The following SLFN14 variants were observed in gnomAD, a reference collection of about 807,000 sequenced individuals.
SLFN14 encodes the protein protein SLFN14.
A neutral mutation model predicts 58.6 loss-of-function variants in SLFN14; 47 were observed. The ratio of observed to expected loss-of-function variants is 0.80; its 90% CI spans 0.64 to 1.02. SLFN14 has a LOEUF of 1.02. Among genes scored for constraint, SLFN14 ranks in the 50% least tolerant of loss-of-function variants. The pLI, the probability that SLFN14 is intolerant of heterozygous loss-of-function variation, is 0.00. For missense variants in SLFN14, 967 were observed against 1,078.4 expected (o/e 0.90, Z 1.45); for synonymous variants, 390 against 387.3 (o/e 1.01, Z -0.08).
chr17:35,558,040 G>A lies in SLFN14; in HGVS notation c.23C>T (p.Thr8Ile), dbSNP rs1274661246. The A allele has an allele frequency of 2.6e-6, 4 of 1,551,218 alleles. No individual in the cohort carries two copies. The highest frequency in any genetic ancestry group is 3.5e-6 in the Non-Finnish European group (4 of 1,146,984). The change falls in exon 3 of 6, where the codon ACT (threonine) becomes ATT (isoleucine). Residue 8 changes from threonine to isoleucine, a missense_variant. Coordinates refer to ENST00000674182, the MANE Select transcript of SLFN14 (RefSeq NM_001129820.2). MESLKTD[T>I]EMPYPEVIVD... Reference sequence around the variant, plus strand: ...TATTACCTCAGGATACGGCATTTCAGTATCAGTCTTGAGACTCTCCATTTC... The same window carrying A: ...TATTACCTCAGGATACGGCATTTCAATATCAGTCTTGAGACTCTCCATTTC...
At position 35,557,549 on chromosome 17, in the gene SLFN14, C is replaced by T. The variant is rs1207123733; in HGVS notation, c.514G>A (p.Val172Ile). The T allele has an allele frequency of 2.6e-6, 4 of 1,551,532 alleles. No individual in the cohort carries two copies. Among genetic ancestry groups the T allele is most frequent in the Non-Finnish European group, 3.5e-6 (4 of 1,147,006 alleles). ...PRVKKLHPQQ[V>I]LNRCIQEEED... ...TCTTCCTGAATGCATCTATTGAGAA[C>T]CTGCTGAGGATGCAACTTCTTCACC... The change falls in exon 3 of 6, where the codon GTT becomes ATT. Residue 172 changes from valine to isoleucine, a missense_variant. Coordinates refer to ENST00000674182, the MANE Select transcript of SLFN14 (RefSeq NM_001129820.2).
chr17:35,545,563 T>C lies in SLFN14; in HGVS notation c.*2676A>G, dbSNP rs548465437. On this transcript the variant is annotated 3_prime_UTR_variant, in exon 6 of 6. Transcript: ENST00000674182. ...AGGCTGGAGTGCAGTGGAGTAATCA[T>C]AGGTCACTGTAGCCTCAAACTCCTG... is the stretch of plus-strand genomic sequence containing the variant. Among the ~76,000 whole-genome samples, 4 of 152,236 alleles carry C rather than the reference T, an allele frequency of 2.6e-5. No homozygotes were observed. The highest frequency in any genetic ancestry group is 9.6e-5 in the African/African-American group (4 of 41,534).
intron 5 of SLFN14, among the ~76,000 whole-genome samples, chr17:35,551,102 T>C (rs1053273956): frequency 6.6e-6 from 1 of 152,252 alleles, no homozygotes; most frequent in African/African-American, 2.4e-5. Flanking sequence ...TATAATGAGA[T>C]GTTTAAGGTT....
Position 35,557,229 on chromosome 17 carries a change from C to A in SLFN14, c.834G>T (p.Leu278Phe), listed in dbSNP as rs1185043707. The change falls in exon 3 of 6, where the codon TTG (leucine) becomes TTT (phenylalanine). Residue 278 changes from leucine to phenylalanine, a missense_variant. By Grantham distance (22) the Leu-to-Phe change is conservative. Coordinates refer to ENST00000674182, the MANE Select transcript of SLFN14 (RefSeq NM_001129820.2). ...KKEIENCIEKLPTFHFCCEKP... is the reference protein window; with the variant it reads ...KKEIENCIEKFPTFHFCCEKP... ...TCTCACAGCAGAAGTGGAATGTAGG[C>A]AATTTTTCTATGCAGTTTTCGATTT... 1 of 1,551,592 alleles carries A rather than the reference C, an allele frequency of 6.4e-7. No individual in the cohort carries two copies. The highest frequency in any genetic ancestry group is 8.7e-7 in the Non-Finnish European group (1 of 1,146,998).
chr17:35,554,138 A>G (rs936421883), intron 4 of SLFN14, among the ~76,000 whole-genome samples: 2 of 151,882 alleles, frequency 1.3e-5, no homozygotes, highest in Non-Finnish European at 2.9e-5. Context: ...CTCCTTCTGC[A>G]TTGGAAAGCT....
intron 5 of SLFN14, among the ~76,000 whole-genome samples, chr17:35,552,220 C>T (rs560484120): frequency 5.9e-5 from 9 of 152,238 alleles, no homozygotes; most frequent in African/African-American, 1.7e-4. Flanking sequence ...GAGCGGTGGT[C>T]GGCCAACTTC....
Position 35,544,303 on chromosome 17 carries a change from A to C in SLFN14, c.*3936T>G, listed in dbSNP as rs2072519366. Among the ~76,000 whole-genome samples, 1 of 152,218 alleles carries C rather than the reference A, an allele frequency of 6.6e-6. No individual in the cohort carries two copies. Among genetic ancestry groups the C allele is most frequent in the Non-Finnish European group, 1.5e-5 (1 of 68,038 alleles). On this transcript the variant is annotated 3_prime_UTR_variant, in exon 6 of 6. Coordinates refer to ENST00000674182, the MANE Select transcript of SLFN14 (RefSeq NM_001129820.2). ...CTCTACCTCTAATGTTAGTAACTACAAAGGGTATAGATATAGAGAGGTAGG... is the reference window on the plus strand; with the variant it reads ...CTCTACCTCTAATGTTAGTAACTACCAAGGGTATAGATATAGAGAGGTAGG...
At position 35,544,728 on chromosome 17, in the gene SLFN14, A is replaced by G. The variant is rs891644664; in HGVS notation, c.*3511T>C. 1.3e-5 allele frequency among the ~76,000 whole-genome samples: 2 copies of G among 152,038 alleles called. 1 individual carries two copies. The highest frequency in any genetic ancestry group is 4.1e-4 in the South Asian group (2 of 4,824). ...TTTTTAGTGGAGACAGGGTTTCTCC[A>G]TGTTGGTCAGGCTGGTCTTGAACTC... On this transcript the variant is annotated 3_prime_UTR_variant, in exon 6 of 6. Coordinates refer to ENST00000674182, the MANE Select transcript of SLFN14 (RefSeq NM_001129820.2).
chr17:35,554,923 T>A (rs1248270930), intron 3 of SLFN14, among the ~76,000 whole-genome samples: 1 of 152,118 alleles, frequency 6.6e-6, no homozygotes, highest in Non-Finnish European at 1.5e-5. Flanking sequence ...AGTCACTGTG[T>A]GACTCGGCTT....
At chr17:35,552,675 C>CAT (rs1272931473) in intron 5 of SLFN14, 55 bp downstream of exon 5, 74 of 960,888 alleles carry the variant, frequency 7.7e-5, no homozygotes, top group Middle Eastern at 6.3e-4. Context: ...TATATATACA[C>CAT]ATATATATAT....
chr17:35,555,122 C>A (rs187518581), intron 3 of SLFN14, among the ~76,000 whole-genome samples: 3 of 152,190 alleles, frequency 2.0e-5, no homozygotes, highest in Admixed American at 2.0e-4. Flanking sequence ...CCTGTAATCC[C>A]AGCACTTTGG....
At chr17:35,554,543 A>G in intron 4 of SLFN14, 33 bp downstream of exon 4, 1 of 1,500,080 alleles carries the variant, frequency 6.7e-7, no homozygotes, top group South Asian at 1.3e-5. Context: ...TAGAAAACAA[A>G]TAGTCCCCTA....
At position 35,548,455 on chromosome 17, in the gene SLFN14, G is replaced by T. The variant is rs1329323547; in HGVS notation, c.2523C>A (p.Thr841=). Reference sequence around the variant, plus strand: ...TAAACACAACCTCTGATGGTCTGTGGGTCTCAATTAATTCCATTGCTTTGA... The same window carrying T: ...TAAACACAACCTCTGATGGTCTGTGTGTCTCAATTAATTCCATTGCTTTGA... ...ALLKAMELIE[T]HRPSEVVFSP... Residue 841 remains threonine (T), a synonymous_variant, in exon 6 of 6, where the codon ACC becomes ACA. Transcript: ENST00000674182. The T allele has an allele frequency of 3.2e-6, 5 of 1,551,648 alleles. No homozygotes were observed. The highest frequency in any genetic ancestry group is 4.4e-6 in the Non-Finnish European group (5 of 1,146,992).
Position 35,558,047 on chromosome 17 carries a change from T to C in SLFN14, c.16A>G (p.Thr6Ala). 6.4e-7 allele frequency: 1 copy of C among 1,550,788 alleles called. No homozygotes were observed. Among genetic ancestry groups the C allele is most frequent in the Non-Finnish European group, 8.7e-7 (1 of 1,146,696 alleles). MESLKTDTEMPYPEVI... is the reference protein window; with the variant it reads MESLKADTEMPYPEVI... Reference sequence around the variant, plus strand: ...TCAGGATACGGCATTTCAGTATCAGTCTTGAGACTCTCCATTTCAGCAGCC... The same window carrying C: ...TCAGGATACGGCATTTCAGTATCAGCCTTGAGACTCTCCATTTCAGCAGCC... The change falls in exon 3 of 6, where the codon ACT becomes GCT. Residue 6 changes from threonine to alanine, a missense_variant. By Grantham distance (58) the Thr-to-Ala change is moderately conservative. Transcript: ENST00000674182.
Position 35,549,065 on chromosome 17 carries a change from G to GACCAACAGCCAGC in SLFN14, c.1912_1913insGCTGGCTGTTGGT (p.Thr638SerfsTer24), listed in dbSNP as rs2072560873. The GACCAACAGCCAGC allele has an allele frequency of 3.2e-6, 5 of 1,551,036 alleles. No individual in the cohort carries two copies. Among genetic ancestry groups the GACCAACAGCCAGC allele is most frequent in the Admixed American group, 2.0e-5 (1 of 50,976 alleles). On this transcript the variant is annotated frameshift_variant, in exon 6 of 6. Transcript: ENST00000674182. LOFTEE classifies it low-confidence loss of function (END_TRUNC). ...TTTCCTGGTCACAGCTTGGCAGGTG[G>GACCAACAGCCAGC]TTTGTTGGCTGTAAGGACGGAAAAA...
chr17:35,549,372 G>A (rs969226210), intron 5 of SLFN14, among the ~76,000 whole-genome samples: 1 of 152,176 alleles, frequency 6.6e-6, no homozygotes, highest in Non-Finnish European at 1.5e-5. Context: ...TGGCAATCCT[G>A]AAGACAAGTT....
At chr17:35,551,722 G>A (rs532214597) in intron 5 of SLFN14, among the ~76,000 whole-genome samples, 43 of 152,286 alleles carry the variant, frequency 2.8e-4, no homozygotes, top group African/African-American at 9.1e-4. Flanking sequence ...CTTGCTAGCC[G>A]CCGAAAGAGG....
chr17:35,550,688 G>GT (rs1415822482), intron 5 of SLFN14, among the ~76,000 whole-genome samples: 2 of 152,090 alleles, frequency 1.3e-5, no homozygotes, highest in South Asian at 4.1e-4. Context: ...CACATCAACA[G>GT]TGCTCAAAAA....
chr17:35,556,642 C>T (rs1019740677), intron 3 of SLFN14, among the ~76,000 whole-genome samples: 12 of 151,886 alleles, frequency 7.9e-5, no homozygotes, highest in African/African-American at 2.9e-4. Flanking sequence ...AAAAATTAGC[C>T]GACATGGTGG....
Sources: allele counts gnomAD v4.1 joint callset (sites outside exome capture counted in the v4.1 genomes callset), GRCh38; gene constraint gnomAD v4.1.1; transcripts MANE v1.5; gene names NCBI Gene and HGNC (gene_info 2026-07-23, HGNC 2026-07-21).